Variants in MARCHF1 observed in about 807,000 individuals in gnomAD.
MARCHF1 encodes the protein E3 ubiquitin-protein ligase MARCHF1.
Under a neutral mutation model 54.2 loss-of-function variants are expected in MARCHF1, and 40 were observed. The ratio of observed to expected loss-of-function variants is 0.74; its 90% CI spans 0.57 to 0.96. The LOEUF (loss-of-function observed/expected upper bound fraction) is 0.96. Ranked by LOEUF, MARCHF1 falls within the 40% of genes least tolerant of loss-of-function variation. MARCHF1 has a pLI of 0.00. For synonymous variants in MARCHF1, 236 were observed against 236.3 expected, an observed-to-expected ratio of 1.00 and a Z score of 0.01; for missense variants, 586 against 656.5, an observed-to-expected ratio of 0.89 and a Z score of 1.17.
intron 4 of MARCHF1, among the ~76,000 whole-genome samples, chr4:163,760,103 G>C (rs1197051558): frequency 6.6e-6 from 1 of 152,172 alleles, no homozygotes; most frequent in African/African-American, 2.4e-5. Flanking sequence ...CTGTAAGGGG[G>C]AATCAGTTTC....
chr4:163,645,061 G>C (rs1203170604), intron 5 of MARCHF1, among the ~76,000 whole-genome samples: 1 of 152,112 alleles, frequency 6.6e-6, no homozygotes, highest in African/African-American at 2.4e-5. Context: ...CAGTGACATA[G>C]CAGAAGCCCT....
At chr4:164,005,884 T>G (rs914640904) in intron 2 of MARCHF1, among the ~76,000 whole-genome samples, 4 of 152,254 alleles carry the variant, frequency 2.6e-5, no homozygotes, top group Admixed American at 2.6e-4. Context: ...CTATCCCATT[T>G]GAAACAGGTA....
intron 9 of MARCHF1, among the ~76,000 whole-genome samples, chr4:163,537,011 T>C (rs1440404496): frequency 6.6e-6 from 1 of 152,138 alleles, no homozygotes; most frequent in African/African-American, 2.4e-5. Context: ...AGCCTGCTCT[T>C]TTGCTTGCCT....
chr4:163,640,975 A>G (rs572970562), intron 5 of MARCHF1, among the ~76,000 whole-genome samples: 1 of 152,090 alleles, frequency 6.6e-6, no homozygotes. Flanking sequence ...AGACTTCATA[A>G]TATTAGTCTC....
At chr4:164,183,675 G>A (rs1560943435) in intron 1 of MARCHF1, among the ~76,000 whole-genome samples, 1 of 152,110 alleles carries the variant, frequency 6.6e-6, no homozygotes, top group Non-Finnish European at 1.5e-5. Flanking sequence ...ACCACACATA[G>A]TGCTGGGTGA....
chr4:164,205,914 T>A (rs1191790816), intron 1 of MARCHF1, among the ~76,000 whole-genome samples: 1 of 152,198 alleles, frequency 6.6e-6, no homozygotes, highest in African/African-American at 2.4e-5. Context: ...TTCTGAGCAG[T>A]ATACAATTAA....
At chr4:164,313,596 CCT>C (rs1734924324) in intron 1 of MARCHF1, among the ~76,000 whole-genome samples, 1 of 152,156 alleles carries the variant, frequency 6.6e-6, no homozygotes, top group Non-Finnish European at 1.5e-5. Context: ...GCTCCAGCTT[CCT>C]CTTTCTCTTC....
intron 2 of MARCHF1, among the ~76,000 whole-genome samples, chr4:164,093,587 A>C (rs563666944): frequency 6.6e-6 from 1 of 152,164 alleles, no homozygotes; most frequent in East Asian, 1.9e-4. Flanking sequence ...GTTTTCAATT[A>C]GGGTTGAATA....
chr4:163,901,830 C>G (rs13150650), intron 3 of MARCHF1, among the ~76,000 whole-genome samples: 3 of 152,076 alleles, frequency 2.0e-5, no homozygotes, highest in Non-Finnish European at 4.4e-5. Context: ...ACTTCAGAAC[C>G]AACAACGGTA....
At chr4:164,143,487 T>C (rs1197649513) in intron 1 of MARCHF1, among the ~76,000 whole-genome samples, 1 of 150,696 alleles carries the variant, frequency 6.6e-6, no homozygotes, top group Admixed American at 6.6e-5. Context: ...GCAGAAACTC[T>C]ACAAGCCAGA....
chr4:163,773,216 T>C (rs1236779447), intron 4 of MARCHF1, among the ~76,000 whole-genome samples: 1 of 152,080 alleles, frequency 6.6e-6, no homozygotes, highest in Non-Finnish European at 1.5e-5. Context: ...AGAAGTTACC[T>C]GACAGAAATG....
At chr4:163,994,299 T>TGTGA (rs747165789) in intron 2 of MARCHF1, among the ~76,000 whole-genome samples, 1 of 147,608 alleles carries the variant, frequency 6.8e-6, no homozygotes, top group Admixed American at 6.8e-5. Context: ...TGTGTGTGTG[T>TGTGA]GTGAGTGTGG....
chr4:163,831,161 T>C (rs2111093818), intron 4 of MARCHF1, among the ~76,000 whole-genome samples: 1 of 152,264 alleles, frequency 6.6e-6, no homozygotes, highest in African/African-American at 2.4e-5. Flanking sequence ...GTTTCTGTTT[T>C]CTGCACTGAA....
chr4:163,965,644 A>C (rs1025932613), intron 3 of MARCHF1, among the ~76,000 whole-genome samples: 1 of 152,074 alleles, frequency 6.6e-6, no homozygotes, highest in Admixed American at 6.6e-5. Context: ...AAAATAGTTT[A>C]TATGTTCACT....
rs764361390 is a variant in MARCHF1 at position 163,613,424 on chromosome 4, T to C, written c.163-31A>G. ...GAAACAAGTTAGATAATTTGGCATCTTGGTTAAGGTAATACATGGTTGATA... is the reference window on the plus strand; with the variant it reads ...GAAACAAGTTAGATAATTTGGCATCCTGGTTAAGGTAATACATGGTTGATA... On this transcript the variant is annotated intron_variant, in intron 5 of 9. Coordinates refer to ENST00000514618, the MANE Select transcript of MARCHF1 (RefSeq NM_001394959.1). 5 of 1,613,284 alleles carry C rather than the reference T, an allele frequency of 3.1e-6. No individual in the cohort carries two copies. In the Admixed American group the frequency reaches 6.7e-5, roughly 22 times the overall value.
intron 3 of MARCHF1, among the ~76,000 whole-genome samples, chr4:163,863,439 G>A (rs6825864): frequency 0.013 from 1,913 of 152,126 alleles, 40 homozygotes; most frequent in African/African-American, 0.044. Flanking sequence ...TTAGACAGAG[G>A]TTTGGCAGAT....
intron 5 of MARCHF1, among the ~76,000 whole-genome samples, chr4:163,670,388 GTCTATCTATCTA>G (rs74831110): frequency 2.0e-3 from 307 of 150,112 alleles, no homozygotes; most frequent in African/African-American, 7.0e-3. Flanking sequence ...CTATCTGTCT[GTCTATCTATCTA>G]TCTATCTATC....
chr4:164,074,021 G>A (rs994128245), intron 2 of MARCHF1, among the ~76,000 whole-genome samples: 11 of 152,122 alleles, frequency 7.2e-5, no homozygotes, highest in Admixed American at 4.6e-4. Flanking sequence ...TGCCAGGATG[G>A]TGTCAATCTC....
chr4:164,149,338 C>G (rs1195866077), intron 1 of MARCHF1, among the ~76,000 whole-genome samples: 1 of 152,106 alleles, frequency 6.6e-6, no homozygotes, highest in East Asian at 1.9e-4. Context: ...GACTCTAGCT[C>G]TTCTCTAAGA....
Sources: gnomAD v4.1 joint callset for allele counts (sites outside exome capture counted in the v4.1 genomes callset) on GRCh38, gnomAD v4.1.1 for gene constraint, MANE v1.5 for transcripts, NCBI Gene and HGNC (gene_info 2026-07-23, HGNC 2026-07-21) for gene names.